NUBP1: variants seen among roughly 807,000 people sequenced by gnomAD.
NUBP1 encodes cytosolic Fe-S cluster assembly factor NUBP1.
Under a neutral mutation model 41.8 loss-of-function variants are expected in NUBP1, and 46 were observed. That is an observed-to-expected ratio of 1.10 (90% CI 0.87 to 1.41). The LOEUF is 1.41. NUBP1 is among the 40% of genes most tolerant of loss of function. The pLI, the probability that NUBP1 is intolerant of heterozygous loss-of-function variation, is 0.00. For missense variants in NUBP1, 494 were observed against 414.0 expected, an observed-to-expected ratio of 1.19 and a Z score of -1.68; for synonymous variants, 189 against 154.6, an observed-to-expected ratio of 1.22 and a Z score of -1.65.
intron 4 of NUBP1, among the ~76,000 whole-genome samples, chr16:10,753,797 G>A (rs1002009136): frequency 2.6e-5 from 4 of 152,064 alleles, no homozygotes; most frequent in African/African-American, 7.2e-5. Context: ...GGGGAGAGCT[G>A]GGGGAAGGGC....
chr16:10,762,439 G>T (rs2030072370), intron 9 of NUBP1, among the ~76,000 whole-genome samples: 1 of 152,200 alleles, frequency 6.6e-6, no homozygotes, highest in South Asian at 2.1e-4. Context: ...GAGGGACGGG[G>T]TTTCACGTCT....
chr16:10,759,583 G>C lies in NUBP1; in HGVS notation c.606+1556G>C, dbSNP rs1228229142. Among the ~76,000 whole-genome samples the C allele has an allele frequency of 6.6e-6, 1 of 152,146 alleles. No homozygotes were observed. The highest frequency in any genetic ancestry group is 2.4e-5 in the African/African-American group (1 of 41,422). On this transcript the variant is annotated intron_variant, in intron 7 of 10. Coordinates refer to ENST00000283027, the MANE Select transcript of NUBP1 (RefSeq NM_002484.4). The surrounding 1 kb of genome is among the most constrained non-coding windows in gnomAD (Gnocchi z 4.7). The stretch of plus-strand genomic sequence containing the variant: ...GAGGTCAGGAGTTCGAGACCAGACT[G>C]GCCAATATGGCAAAACCCTGTCTCT...
rs148295916 is a variant in NUBP1 at position 10,747,234 on chromosome 16, C to T, written c.216C>T (p.Ser72=). 3.9e-4 allele frequency: 635 copies of T among 1,614,042 alleles called. No individual in the cohort carries two copies. Among genetic ancestry groups the T allele is most frequent in the Non-Finnish European group, 4.8e-4 (562 of 1,180,040 alleles). ...GCGGTGTTGGGAAAAGCACATTCAG[C>T]GCCCACCTTGCCCATGGCCTAGCAG... ...GKGGVGKSTF[S]AHLAHGLAED... The change falls in exon 3 of 11, where the codon AGC becomes AGT. Residue 72 remains serine (S), a synonymous_variant. Transcript: ENST00000283027.
chr16:10,752,703 G>A (rs751652884), intron 4 of NUBP1, 25 bp downstream of exon 4: 116 of 1,601,104 alleles, frequency 7.2e-5, no homozygotes, highest in Non-Finnish European at 9.5e-5. Context: ...CAGAACTCAG[G>A]AAATTATTCT....
chr16:10,763,261 C>T (rs923305689), intron 9 of NUBP1, among the ~76,000 whole-genome samples: 1 of 151,878 alleles, frequency 6.6e-6, no homozygotes, highest in African/African-American at 2.4e-5. Context: ...GTTTTGAAGC[C>T]ACAGGACATG....
At chr16:10,748,486 A>T (rs1249733116) in intron 3 of NUBP1, among the ~76,000 whole-genome samples, 1 of 151,850 alleles carries the variant, frequency 6.6e-6, no homozygotes, top group Admixed American at 6.6e-5. Context: ...AAGAGCACAC[A>T]CTCTGGAGTC....
chr16:10,744,077 G>A lies in NUBP1; in HGVS notation c.124+12G>A. 6.4e-7 allele frequency: 1 copy of A among 1,560,830 alleles called. No homozygotes were observed. Among genetic ancestry groups the A allele is most frequent in the Non-Finnish European group, 8.6e-7 (1 of 1,159,904 alleles). ...CACTCCGGACACGGGTGAGAAAAGGGCAAGGCCTCAACAGGAACTTAGAGG... is the reference window on the plus strand; with the variant it reads ...CACTCCGGACACGGGTGAGAAAAGGACAAGGCCTCAACAGGAACTTAGAGG... On this transcript the variant is annotated intron_variant, in intron 2 of 10. Coordinates refer to ENST00000283027, the MANE Select transcript of NUBP1 (RefSeq NM_002484.4).
chr16:10,750,243 CTTTTTTTGTTTG>C (rs942420953), intron 3 of NUBP1, among the ~76,000 whole-genome samples: 3 of 152,076 alleles, frequency 2.0e-5, no homozygotes, highest in Non-Finnish European at 2.9e-5. Flanking sequence ...ATAAATTAAA[CTTTTTTTGTTTG>C]TTTTTTTGAG....
At chr16:10,747,022 G>A (rs996141934) in intron 2 of NUBP1, 121 bp from the exon 3 acceptor site, 50 of 1,196,090 alleles carry the variant, frequency 4.2e-5, no homozygotes, top group African/African-American at 1.1e-4. Context: ...TCAGAGGATC[G>A]TTTTAAACAG....
rs772666914 is a variant in NUBP1, at chr16:10,749,122, CACAT to C, written c.258+1850_258+1853del. Reference sequence around the variant, plus strand: ...AAAAGGATATAGATAGATACACAGACACATACACACACACACACACACACACACA... The same window carrying C: ...AAAAGGATATAGATAGATACACAGACACACACACACACACACACACACACA... On this transcript the variant is annotated intron_variant, in intron 3 of 10. Coordinates refer to ENST00000283027, the MANE Select transcript of NUBP1 (RefSeq NM_002484.4). This position sits in a 1 kb window ranked among gnomAD's most constrained non-coding sequence, Gnocchi z 4.1. Among the ~76,000 whole-genome samples, 5,662 of 91,590 alleles carry C rather than the reference CACAT, an allele frequency of 0.062. 227 individuals carry two copies. The highest frequency in any genetic ancestry group is 0.09 in the African/African-American group (2,012 of 22,474). 60.1% of individuals were successfully genotyped at this position (91,590 alleles called of 152,430 possible). A position where few individuals can be genotyped will look rare whatever the true frequency, so the allele number is the denominator to read the frequency against.
In NUBP1 at chr16:10,767,737, T is replaced by G; in HGVS notation, c.821-212T>G. The G allele has an allele frequency of 1.7e-6, 1 of 580,570 alleles. No homozygotes were observed. Among genetic ancestry groups the G allele is most frequent in the Admixed American group, 3.0e-5 (1 of 33,210 alleles). The allele number at this position is 580,570 out of a possible 1,614,324, so 36.0% of individuals were successfully genotyped here. Reference sequence around the variant, plus strand: ...GAACCTGCATTTTCTGTACACCACCTGATTATTTAGCCACGCTGAAATGCT... The same window carrying G: ...GAACCTGCATTTTCTGTACACCACCGGATTATTTAGCCACGCTGAAATGCT... On this transcript the variant is annotated intron_variant, in intron 9 of 10. Transcript: ENST00000283027. The surrounding 1 kb of genome is among the most constrained non-coding windows in gnomAD (Gnocchi z 4.6).
rs1269273572 is a variant in NUBP1 at position 10,768,052 on chromosome 16, C to T, written c.904+20C>T. The T allele has an allele frequency of 1.2e-6, 2 of 1,609,274 alleles. No individual in the cohort carries two copies. The highest frequency in any genetic ancestry group is 3.3e-5 in the Admixed American group (2 of 59,990). ...TTCAGAGTAAGTATTTCCATGAGTA[C>T]TAAATGCAGATGCCTGTGGGGCAGG... is the stretch of plus-strand genomic sequence containing the variant. On this transcript the variant is annotated intron_variant, in intron 10 of 10. Coordinates refer to ENST00000283027, the MANE Select transcript of NUBP1 (RefSeq NM_002484.4). The surrounding 1 kb of genome is among the most constrained non-coding windows in gnomAD (Gnocchi z 4.3).
chr16:10,743,911 G>A (rs1257131750), intron 1 of NUBP1, 29 bp downstream of exon 1: 1 of 1,574,206 alleles, frequency 6.4e-7, no homozygotes, highest in African/African-American at 1.4e-5. Flanking sequence ...CGTGGGTCGC[G>A]GGGCGAAAGT....
Position 10,749,715 on chromosome 16 carries a change from C to T in NUBP1, c.258+2439C>T, listed in dbSNP as rs1900230385. 6.6e-6 allele frequency among the ~76,000 whole-genome samples: 1 copy of T among 152,216 alleles called. No homozygotes were observed. Among genetic ancestry groups the T allele is most frequent in the Admixed American group, 6.5e-5 (1 of 15,276 alleles). ...AGCAGGGTGGTGGGACATGCCCTGA[C>T]CTTTTTCTGCCTGCCATCTGGTGGA... On this transcript the variant is annotated intron_variant, in intron 3 of 10. Transcript: ENST00000283027. The surrounding 1 kb of genome is among the most constrained non-coding windows in gnomAD (Gnocchi z 4.1).
chr16:10,753,974 G>A (rs925034909), intron 4 of NUBP1, among the ~76,000 whole-genome samples: 4 of 152,136 alleles, frequency 2.6e-5, no homozygotes, highest in African/African-American at 9.7e-5. Context: ...GAAGGAGAGC[G>A]ATGTCACCCT....
intron 3 of NUBP1, 61 bp from the exon 4 acceptor site, chr16:10,752,549 G>C (rs1423307778): frequency 2.7e-5 from 36 of 1,343,716 alleles, no homozygotes; most frequent in South Asian, 7.0e-5. Flanking sequence ...CCTCCTAGTT[G>C]TGTGTGTCTG....
Position 10,766,656 on chromosome 16 carries a change from A to C in NUBP1, c.821-1293A>C. The C allele has an allele frequency of 3.6e-6, 1 of 279,936 alleles. No individual in the cohort carries two copies. The highest frequency in any genetic ancestry group is 6.6e-6 in the Non-Finnish European group (1 of 151,680). The allele number at this position is 279,936 out of a possible 1,614,324, so 17.3% of individuals were successfully genotyped here. ...AGGTTCTTGGTGTCTGGAACAAAAA[A>C]TTGGACAAAACGCACAAAGAAAGGA... On this transcript the variant is annotated intron_variant, in intron 9 of 10. Transcript: ENST00000283027. This position sits in a 1 kb window ranked among gnomAD's most constrained non-coding sequence, Gnocchi z 4.8.
At chr16:10,746,721 C>A (rs1044071984) in intron 2 of NUBP1, among the ~76,000 whole-genome samples, 1 of 151,884 alleles carries the variant, frequency 6.6e-6, no homozygotes, top group African/African-American at 2.4e-5. Context: ...TCCTGGGCGA[C>A]AGAGCAACAC....
At chr16:10,761,325 A>C (rs772913665) in intron 7 of NUBP1, 39 bp from the exon 8 acceptor site, 8 of 1,586,880 alleles carry the variant, frequency 5.0e-6, no homozygotes, top group Non-Finnish European at 1.7e-6. Flanking sequence ...CCTTTCTCGC[A>C]CTTTGATGCT....
Sources: allele counts gnomAD v4.1 joint callset (sites outside exome capture counted in the v4.1 genomes callset), GRCh38; gene constraint gnomAD v4.1.1; non-coding constraint Gnocchi (gnomAD v3.1); transcripts MANE v1.5; gene names NCBI Gene and HGNC (gene_info 2026-07-23, HGNC 2026-07-21).